The following FCHO2 variants were observed in gnomAD, a reference collection of about 807,000 sequenced individuals.
FCHO2 encodes the protein F-BAR domain only protein 2.
In FCHO2, 43 loss-of-function variants were observed where a neutral mutation model predicts 114.1. The observed-to-expected ratio is 0.38, with a 90% CI of 0.30 to 0.49. The LOEUF (loss-of-function observed/expected upper bound fraction) is 0.49, where lower values mean the gene tolerates loss of function less well. FCHO2 is among the 20% of genes least tolerant of loss of function. FCHO2 has a pLI of 0.97. For synonymous variants in FCHO2, 293 were observed against 315.2 expected, an observed-to-expected ratio of 0.93 and a Z score of 0.75; for missense variants, 807 against 950.4, an observed-to-expected ratio of 0.85 and a Z score of 1.98.
intron 1 of FCHO2, among the ~76,000 whole-genome samples, chr5:72,963,917 T>G (rs946069264): frequency 5.9e-4 from 86 of 146,292 alleles, no homozygotes; most frequent in East Asian, 7.9e-4. Flanking sequence ...TTTTTTTTTT[T>G]TTTTTTTTTT....
intron 2 of FCHO2, among the ~76,000 whole-genome samples, chr5:72,970,597 C>T (rs1046408264): frequency 9.9e-5 from 15 of 151,738 alleles, no homozygotes; most frequent in African/African-American, 3.6e-4. Flanking sequence ...AATTACATGT[C>T]AAAATCCTAT....
At chr5:73,065,048 G>T (rs1279391704) in intron 18 of FCHO2, among the ~76,000 whole-genome samples, 1 of 151,870 alleles carries the variant, frequency 6.6e-6, no homozygotes, top group East Asian at 1.9e-4. Context: ...TGCCTGTTGG[G>T]TGGTACACAG....
At chr5:72,998,686 G>C (rs1278671979) in intron 5 of FCHO2, among the ~76,000 whole-genome samples, 1 of 150,102 alleles carries the variant, frequency 6.7e-6, no homozygotes, top group Non-Finnish European at 1.5e-5. Context: ...ACCCCAGTGG[G>C]CTCACCATAG....
chr5:73,038,095 C>T (rs1756620669), intron 10 of FCHO2: 1 of 156,188 alleles, frequency 6.4e-6, no homozygotes, highest in Admixed American at 6.5e-5. Flanking sequence ...AATTAATATA[C>T]AAAGAATATG....
intron 19 of FCHO2, among the ~76,000 whole-genome samples, chr5:73,069,783 A>G (rs1237519757): frequency 2.0e-5 from 3 of 152,034 alleles, no homozygotes; most frequent in Non-Finnish European, 4.4e-5. Flanking sequence ...CTACATCTAG[A>G]CTTTGCTCAA....
In FCHO2 at chr5:73,063,832, C is replaced by T. The variant is rs765801967; in HGVS notation, c.1346-9C>T. ...ATTTTCTTCAAATTCTCTTTTCCCC[C>T]TCAACCAGCCAGGCCCACAACTCCT... is the stretch of plus-strand genomic sequence containing the variant. On this transcript the variant is annotated splice_polypyrimidine_tract_variant and intron_variant, in intron 17 of 25. Transcript: ENST00000430046. 3.7e-6 allele frequency: 6 copies of T among 1,608,794 alleles called. No homozygotes were observed. Among genetic ancestry groups the T allele is most frequent in the African/African-American group, 2.7e-5 (2 of 74,728 alleles).
intron 5 of FCHO2, among the ~76,000 whole-genome samples, chr5:73,004,753 A>C (rs896648227): frequency 1.3e-5 from 2 of 152,172 alleles, no homozygotes; most frequent in African/African-American, 2.4e-5. Flanking sequence ...TCAGTTACCT[A>C]CTGTCCAGTA....
chr5:73,054,055 A>G (rs1038578812), intron 13 of FCHO2, 105 bp from the exon 14 acceptor site: 11 of 832,998 alleles, frequency 1.3e-5, no homozygotes, highest in Non-Finnish European at 1.8e-5. Context: ...TTTAAGGTGT[A>G]TATAGTTTAG....
chr5:73,085,737 T>C (rs1743279634), intron 24 of FCHO2, among the ~76,000 whole-genome samples: 1 of 151,484 alleles, frequency 6.6e-6, no homozygotes, highest in Non-Finnish European at 1.5e-5. Flanking sequence ...ATTGCACCAC[T>C]GTATTCCAGC....
At chr5:73,048,408 G>A (rs1409264985) in intron 11 of FCHO2, among the ~76,000 whole-genome samples, 1 of 152,004 alleles carries the variant, frequency 6.6e-6, no homozygotes, top group Non-Finnish European at 1.5e-5. Flanking sequence ...TTGGGCCACT[G>A]CACTCCAGCC....
chr5:72,969,923 T>C (rs908102616), intron 2 of FCHO2, among the ~76,000 whole-genome samples: 2 of 152,242 alleles, frequency 1.3e-5, no homozygotes, highest in Non-Finnish European at 2.9e-5. Context: ...GCACTTGTGA[T>C]AGTGCTTGTC....
chr5:73,000,361 C>T (rs1384894116), intron 5 of FCHO2, among the ~76,000 whole-genome samples: 5 of 151,316 alleles, frequency 3.3e-5, no homozygotes, highest in Admixed American at 6.6e-5. Flanking sequence ...ATCCCAGCTA[C>T]TCAGGAGGCT....
intron 22 of FCHO2, among the ~76,000 whole-genome samples, chr5:73,081,462 G>A (rs1463302026): frequency 1.3e-5 from 2 of 152,154 alleles, no homozygotes; most frequent in African/African-American, 2.4e-5. Context: ...AACTTTACAC[G>A]CATAATTAAG....
At chr5:73,082,953 A>C in intron 24 of FCHO2, 128 bp downstream of exon 24, 1 of 707,188 alleles carries the variant, frequency 1.4e-6, no homozygotes, top group East Asian at 3.0e-5. Flanking sequence ...AGCTCACTGC[A>C]ACCTCCGCCT....
intron 24 of FCHO2, among the ~76,000 whole-genome samples, chr5:73,083,404 A>T (rs188698658): frequency 6.6e-6 from 1 of 152,354 alleles, no homozygotes; most frequent in Non-Finnish European, 1.5e-5. Flanking sequence ...CTTTATAAAT[A>T]TTATGTAAAT....
intron 6 of FCHO2, among the ~76,000 whole-genome samples, chr5:73,009,739 G>C (rs1307340744): frequency 6.6e-6 from 1 of 152,126 alleles, no homozygotes. Context: ...GTTTCACCAT[G>C]TTGCCCAGGG....
intron 8 of FCHO2, chr5:73,021,136 T>C: frequency 5.1e-6 from 4 of 780,620 alleles, no homozygotes; most frequent in Non-Finnish European, 9.5e-6. Flanking sequence ...CCTCAGGAAA[T>C]CTTCATGGCT....
chr5:73,075,800 A>G (rs1410362303), intron 20 of FCHO2, among the ~76,000 whole-genome samples: 2 of 152,164 alleles, frequency 1.3e-5, no homozygotes, highest in Non-Finnish European at 2.9e-5. Flanking sequence ...TTGAGAACAG[A>G]ATTGTCAAGA....
At chr5:73,064,436 C>G (rs1453599728) in intron 18 of FCHO2, among the ~76,000 whole-genome samples, 1 of 152,032 alleles carries the variant, frequency 6.6e-6, no homozygotes, top group Admixed American at 6.6e-5. Context: ...TAAAAGTCAT[C>G]AGATAGAGAA....
Sources: gnomAD v4.1 joint callset for allele counts (sites outside exome capture counted in the v4.1 genomes callset) on GRCh38, gnomAD v4.1.1 for gene constraint, MANE v1.5 for transcripts, NCBI Gene and HGNC (gene_info 2026-07-23, HGNC 2026-07-21) for gene names.